The following NR3C2 variants were observed in gnomAD, a reference collection of about 807,000 sequenced individuals.
The protein encoded by NR3C2 is mineralocorticoid receptor.
A neutral mutation model predicts 86.4 loss-of-function variants in NR3C2; 15 were observed. That is an observed-to-expected ratio of 0.17 (90% CI 0.12 to 0.27). The LOEUF (loss-of-function observed/expected upper bound fraction) is 0.27, where lower values mean the gene tolerates loss of function less well. NR3C2 is among the 10% of genes least tolerant of loss of function. The pLI is 1.00. For synonymous variants in NR3C2, 458 were observed against 450.5 expected (o/e 1.02, Z -0.21); for missense variants, 960 against 1,195.6 (o/e 0.80, Z 2.91).
chr4:148,376,756 T>C (rs1387515210), intron 2 of NR3C2, among the ~76,000 whole-genome samples: 1 of 152,180 alleles, frequency 6.6e-6, no homozygotes, highest in Non-Finnish European at 1.5e-5. Context: ...TATCCTTATG[T>C]TATTAGAAAT....
intron 2 of NR3C2, among the ~76,000 whole-genome samples, chr4:148,303,514 C>T (rs770419291): frequency 1.1e-4 from 17 of 152,246 alleles, no homozygotes; most frequent in Admixed American, 4.6e-4. Context: ...GTTATCTGGG[C>T]GTGTCACAAG....
chr4:148,330,170 T>C (rs971668816), intron 2 of NR3C2, among the ~76,000 whole-genome samples: 11 of 152,358 alleles, frequency 7.2e-5, no homozygotes, highest in African/African-American at 2.6e-4. Flanking sequence ...ACCTCGACAC[T>C]GTTTTTGTCT....
intron 6 of NR3C2, among the ~76,000 whole-genome samples, chr4:148,139,979 T>C (rs1194663310): frequency 6.6e-6 from 1 of 152,192 alleles, no homozygotes; most frequent in Non-Finnish European, 1.5e-5. Flanking sequence ...AAGACATAAG[T>C]TCATAAAATG....
chr4:148,317,016 C>T (rs1362647285), intron 2 of NR3C2, among the ~76,000 whole-genome samples: 1 of 152,156 alleles, frequency 6.6e-6, no homozygotes, highest in East Asian at 1.9e-4. Context: ...TGGTCTCAAA[C>T]TCCTGGGCTC....
At chr4:148,136,968 G>C (rs1258746703) in intron 6 of NR3C2, among the ~76,000 whole-genome samples, 1 of 152,084 alleles carries the variant, frequency 6.6e-6, no homozygotes, top group Non-Finnish European at 1.5e-5. Flanking sequence ...TAGCCACCAT[G>C]GTATAGATAG....
intron 2 of NR3C2, among the ~76,000 whole-genome samples, chr4:148,289,284 A>AC: frequency 6.6e-6 from 1 of 151,778 alleles, no homozygotes; most frequent in East Asian, 1.9e-4. Context: ...AAAAAAAAAA[A>AC]AAAAAACCAT....
intron 6 of NR3C2, among the ~76,000 whole-genome samples, chr4:148,149,784 G>A (rs186766930): frequency 6.6e-6 from 1 of 152,220 alleles, no homozygotes; most frequent in East Asian, 1.9e-4. Context: ...TATACAAATG[G>A]CTCATAAGCA....
intron 2 of NR3C2, among the ~76,000 whole-genome samples, chr4:148,434,432 T>C (rs1000056207): frequency 9.9e-5 from 15 of 152,206 alleles, no homozygotes; most frequent in Non-Finnish European, 1.8e-4. Flanking sequence ...AATATACCAA[T>C]TCAAAACTGC....
At chr4:148,267,654 C>T (rs1740466664) in intron 2 of NR3C2, among the ~76,000 whole-genome samples, 1 of 151,982 alleles carries the variant, frequency 6.6e-6, no homozygotes, top group Non-Finnish European at 1.5e-5. Context: ...ATTCTGGCTC[C>T]CCTGGTGTCT....
intron 3 of NR3C2, among the ~76,000 whole-genome samples, chr4:148,242,232 G>A (rs907317079): frequency 6.6e-6 from 1 of 152,136 alleles, no homozygotes; most frequent in African/African-American, 2.4e-5. Flanking sequence ...ATTGAAAACT[G>A]CTACAATGAT....
chr4:148,158,007 A>G (rs1169210376), intron 4 of NR3C2, among the ~76,000 whole-genome samples: 1 of 152,238 alleles, frequency 6.6e-6, no homozygotes, highest in Non-Finnish European at 1.5e-5. Context: ...TATTAACAAA[A>G]TTTTTAAACT....
chr4:148,159,327 A>C (rs188606014), intron 4 of NR3C2, among the ~76,000 whole-genome samples: 64 of 152,358 alleles, frequency 4.2e-4, no homozygotes, highest in Non-Finnish European at 8.1e-4. Context: ...AGATTTTATG[A>C]TAAAATTTCT....
At chr4:148,233,226 T>C (rs558933509) in intron 3 of NR3C2, among the ~76,000 whole-genome samples, 1 of 152,330 alleles carries the variant, frequency 6.6e-6, no homozygotes, top group Admixed American at 6.5e-5. Context: ...AAGAGGCCTA[T>C]CTTTCAGCCT....
chr4:148,366,053 A>T lies in NR3C2; in HGVS notation c.1757+69051T>A, dbSNP rs374992012. 2.6e-4 allele frequency among the ~76,000 whole-genome samples: 39 copies of T among 152,330 alleles called. 1 individual carries two copies. The East Asian group carries it at 4.0e-3, about 16-fold the overall frequency. ...TACATCTCATAAATTCAAACCTTTT[A>T]TTTCCTAACTTCTGCCAATCTTAAT... On this transcript the variant is annotated intron_variant, in intron 2 of 8. Transcript: ENST00000358102.
chr4:148,215,251 T>C (rs1386098332), intron 3 of NR3C2, among the ~76,000 whole-genome samples: 2 of 152,242 alleles, frequency 1.3e-5, no homozygotes, highest in African/African-American at 2.4e-5. Context: ...TAGATGCCTC[T>C]GGTGTTTCAT....
chr4:148,402,965 G>A (rs1392545985), intron 2 of NR3C2, among the ~76,000 whole-genome samples: 1 of 151,854 alleles, frequency 6.6e-6, no homozygotes, highest in Non-Finnish European at 1.5e-5. Context: ...TTGTAATGAG[G>A]AGCAATAGGA....
chr4:148,212,332 T>C (rs1185679201), intron 3 of NR3C2, among the ~76,000 whole-genome samples: 1 of 152,244 alleles, frequency 6.6e-6, no homozygotes, highest in Non-Finnish European at 1.5e-5. Context: ...TGGGGATATC[T>C]TATGCATCAA....
At chr4:148,193,853 T>C (rs1736317024) in intron 4 of NR3C2, among the ~76,000 whole-genome samples, 1 of 152,210 alleles carries the variant, frequency 6.6e-6, no homozygotes, top group South Asian at 2.1e-4. Flanking sequence ...AGTTAAGAGC[T>C]GGTATTCAAC....
At chr4:148,360,249 T>C (rs2150002617) in intron 2 of NR3C2, among the ~76,000 whole-genome samples, 1 of 152,306 alleles carries the variant, frequency 6.6e-6, no homozygotes, top group Non-Finnish European at 1.5e-5. Flanking sequence ...AATAATATAA[T>C]TGACATTATT....
Sources: allele counts gnomAD v4.1 joint callset (sites outside exome capture counted in the v4.1 genomes callset), GRCh38; gene constraint gnomAD v4.1.1; transcripts MANE v1.5; gene names NCBI Gene and HGNC (gene_info 2026-07-23, HGNC 2026-07-21).